The following CDH12 variants were observed in gnomAD, a reference collection of about 807,000 sequenced individuals.
The protein encoded by CDH12 is cadherin 12.
CDH12 carries 41 observed loss-of-function variants against 74.1 expected under a neutral mutation model. That is an observed-to-expected ratio of 0.55 (90% CI 0.43 to 0.72). The LOEUF (loss-of-function observed/expected upper bound fraction) is 0.72. CDH12 is among the 30% of genes least tolerant of loss of function. The pLI, the probability that CDH12 is intolerant of heterozygous loss-of-function variation, is 0.00. For missense variants in CDH12, 945 were observed against 977.2 expected (o/e 0.97, Z 0.44); for synonymous variants, 399 against 355.0 (o/e 1.12, Z -1.39).
At chr5:21,995,947 T>C (rs1197263825) in intron 5 of CDH12, among the ~76,000 whole-genome samples, 1 of 152,102 alleles carries the variant, frequency 6.6e-6, no homozygotes, top group East Asian at 1.9e-4. Flanking sequence ...CCACCCATTT[T>C]ATGTCTTGAA....
chr5:21,771,093 A>C (rs1579669943), intron 11 of CDH12, among the ~76,000 whole-genome samples: 1 of 152,240 alleles, frequency 6.6e-6, no homozygotes, highest in African/African-American at 2.4e-5. Flanking sequence ...GAAGATCAAA[A>C]AACTATTACC....
At chr5:22,595,383 T>C (rs1736554888) in intron 1 of CDH12, among the ~76,000 whole-genome samples, 1 of 152,156 alleles carries the variant, frequency 6.6e-6, no homozygotes, top group South Asian at 2.1e-4. Flanking sequence ...GGAAAATGCC[T>C]GGAATTGCAA....
chr5:22,274,092 T>C (rs1244017372), intron 3 of CDH12, among the ~76,000 whole-genome samples: 2 of 152,146 alleles, frequency 1.3e-5, no homozygotes, highest in Non-Finnish European at 2.9e-5. Context: ...GTTATGCACA[T>C]TATATATATT....
chr5:22,720,265 C>T (rs1743809256), intron 1 of CDH12, among the ~76,000 whole-genome samples: 1 of 152,104 alleles, frequency 6.6e-6, no homozygotes, highest in Non-Finnish European at 1.5e-5. Context: ...TGAGTTCTCA[C>T]AATATCCGAT....
At chr5:22,322,223 C>A (rs1738913852) in intron 3 of CDH12, among the ~76,000 whole-genome samples, 1 of 151,996 alleles carries the variant, frequency 6.6e-6, no homozygotes, top group Admixed American at 6.6e-5. Flanking sequence ...AATATGCCTT[C>A]AAAAGATTCT....
In CDH12 at chr5:21,765,205, GA is replaced by G. The variant is rs1178456936; in HGVS notation, c.1394-107del. ...TTAAAAATCAGCCTTTATATAGAAT[GA>G]AAAAAAATCCTTCTTATAGGAAATC... On this transcript the variant is annotated intron_variant, in intron 11 of 14. Coordinates refer to ENST00000382254, the MANE Select transcript of CDH12 (RefSeq NM_004061.5). 397 of 908,426 alleles carry G rather than the reference GA, an allele frequency of 4.4e-4. 1 individual carries two copies. The highest frequency in any genetic ancestry group is 1.3e-4 in the Non-Finnish European group (87 of 655,460). The allele number at this position is 908,426 out of a possible 1,614,324, so 56.3% of individuals were successfully genotyped here.
intron 3 of CDH12, among the ~76,000 whole-genome samples, chr5:22,224,083 T>C (rs950431014): frequency 2.0e-5 from 3 of 151,918 alleles, no homozygotes; most frequent in Non-Finnish European, 2.9e-5. Flanking sequence ...CTAGGTAGAG[T>C]AACCTTAATT....
intron 5 of CDH12, among the ~76,000 whole-genome samples, chr5:21,982,804 T>G (rs1757366507): frequency 1.3e-5 from 2 of 152,142 alleles, no homozygotes; most frequent in South Asian, 4.1e-4. Flanking sequence ...AATGTAAACC[T>G]TTTTGTTTTA....
chr5:22,632,141 C>T (rs1738616460), intron 1 of CDH12, among the ~76,000 whole-genome samples: 1 of 152,046 alleles, frequency 6.6e-6, no homozygotes, highest in Admixed American at 6.6e-5. Context: ...ACAAAATAAT[C>T]TGTACACCAA....
At chr5:22,749,567 G>C (rs1277713772) in intron 1 of CDH12, among the ~76,000 whole-genome samples, 1 of 152,070 alleles carries the variant, frequency 6.6e-6, no homozygotes, top group African/African-American at 2.4e-5. Context: ...ATTTCTAAAA[G>C]TAAAATCAAA....
At chr5:22,611,100 C>T (rs1737373457) in intron 1 of CDH12, among the ~76,000 whole-genome samples, 1 of 152,102 alleles carries the variant, frequency 6.6e-6, no homozygotes, top group Non-Finnish European at 1.5e-5. Flanking sequence ...ATGCTATATG[C>T]TCATGATGTG....
chr5:21,970,867 A>G (rs1428761383), intron 6 of CDH12, among the ~76,000 whole-genome samples: 3 of 148,122 alleles, frequency 2.0e-5, no homozygotes, highest in Non-Finnish European at 3.0e-5. Flanking sequence ...AAAAAAAAAA[A>G]AAAAAAAGAA....
chr5:22,280,339 A>C (rs1736821505), intron 3 of CDH12, among the ~76,000 whole-genome samples: 4 of 152,160 alleles, frequency 2.6e-5, no homozygotes, highest in African/African-American at 9.7e-5. Flanking sequence ...AAACACATTC[A>C]AAAGCTAGCA....
chr5:22,214,267 A>T (rs1751708708), intron 3 of CDH12, among the ~76,000 whole-genome samples: 1 of 152,096 alleles, frequency 6.6e-6, no homozygotes, highest in East Asian at 1.9e-4. Context: ...TCCCATGCAG[A>T]GGTCTCTTGC....
At chr5:22,273,465 T>A (rs928015078) in intron 3 of CDH12, among the ~76,000 whole-genome samples, 1 of 152,170 alleles carries the variant, frequency 6.6e-6, no homozygotes, top group Non-Finnish European at 1.5e-5. Context: ...ACACTTATAA[T>A]TCTGGAATTC....
chr5:21,949,917 T>G (rs2150099417), intron 6 of CDH12, among the ~76,000 whole-genome samples: 1 of 152,302 alleles, frequency 6.6e-6, no homozygotes, highest in South Asian at 2.1e-4. Flanking sequence ...TTTTATAAAT[T>G]CAGTGTTTAT....
intron 3 of CDH12, among the ~76,000 whole-genome samples, chr5:22,368,585 C>T (rs1373894062): frequency 6.6e-6 from 1 of 150,660 alleles, no homozygotes; most frequent in African/African-American, 2.4e-5. Context: ...TAAGTAATAA[C>T]CGCTGGTTAA....
chr5:22,835,783 T>C (rs11957688), intron 1 of CDH12, among the ~76,000 whole-genome samples: 6,471 of 152,308 alleles, frequency 0.042, 170 homozygotes, highest in South Asian at 0.093. Flanking sequence ...AAAGCTGTCC[T>C]CAATGTGATG....
chr5:22,290,275 G>T (rs534295044), intron 3 of CDH12, among the ~76,000 whole-genome samples: 2 of 151,932 alleles, frequency 1.3e-5, no homozygotes, highest in African/African-American at 4.8e-5. Flanking sequence ...CAAAATGAGG[G>T]GTCAGTGACT....
Sources: gnomAD v4.1 joint callset for allele counts (sites outside exome capture counted in the v4.1 genomes callset) on GRCh38, gnomAD v4.1.1 for gene constraint, MANE v1.5 for transcripts, NCBI Gene and HGNC (gene_info 2026-07-23, HGNC 2026-07-21) for gene names.